EPHA3: variants seen among roughly 807,000 people sequenced by gnomAD.
EPHA3 encodes ephrin type-A receptor 3.
A neutral mutation model predicts 107.1 loss-of-function variants in EPHA3; 42 were observed. The observed-to-expected ratio is 0.39, with a 90% CI of 0.31 to 0.51. The LOEUF is 0.51. EPHA3 is among the 20% of genes least tolerant of loss of function. The pLI, the probability that EPHA3 is intolerant of heterozygous loss-of-function variation, is 0.78. For synonymous variants in EPHA3, 461 were observed against 424.8 expected, an observed-to-expected ratio of 1.09 and a Z score of -1.05; for missense variants, 1,183 against 1,211.2, an observed-to-expected ratio of 0.98 and a Z score of 0.35.
At chr3:89,353,561 G>T (rs909013616) in intron 5 of EPHA3, among the ~76,000 whole-genome samples, 1 of 151,234 alleles carries the variant, frequency 6.6e-6, no homozygotes, top group African/African-American at 2.4e-5. Context: ...TGGCAATTCA[G>T]CTTCTTCCTG....
chr3:89,117,230 G>C lies in EPHA3; in HGVS notation c.88+9394G>C, dbSNP rs185008266. Reference sequence around the variant, plus strand: ...AAAAATAGATGAATAAGATCTAAAGGTCCAGTAAGTGTAAACTGCCTCATG... The same window carrying C: ...AAAAATAGATGAATAAGATCTAAAGCTCCAGTAAGTGTAAACTGCCTCATG... On this transcript the variant is annotated intron_variant, in intron 1 of 16. Transcript: ENST00000336596. Among the ~76,000 whole-genome samples, 216 of 152,062 alleles carry C rather than the reference G, an allele frequency of 1.4e-3. 6 individuals are homozygous for C. Among genetic ancestry groups the C allele is most frequent in the Admixed American group, 0.014 (215 of 15,262 alleles).
intron 2 of EPHA3, among the ~76,000 whole-genome samples, chr3:89,202,528 A>T (rs1320459098): frequency 5.7e-3 from 195 of 34,120 alleles, no homozygotes; most frequent in African/African-American, 9.2e-3. Context: ...AAAAAAAAAA[A>T]AAAAAAATAT....
chr3:89,399,514 G>T (rs1359203438), intron 7 of EPHA3, 34 bp downstream of exon 7: 8 of 1,600,976 alleles, frequency 5.0e-6, no homozygotes, highest in Non-Finnish European at 6.0e-6. Flanking sequence ...TAGAGGAGGG[G>T]GCAGGGATCT....
intron 3 of EPHA3, among the ~76,000 whole-genome samples, chr3:89,211,952 T>C (rs1365749484): frequency 1.3e-5 from 2 of 151,856 alleles, no homozygotes; most frequent in Non-Finnish European, 2.9e-5. Context: ...GAAAGAAATA[T>C]TGGCGACTAA....
chr3:89,358,030 A>G (rs1708004068), intron 5 of EPHA3, among the ~76,000 whole-genome samples: 1 of 151,290 alleles, frequency 6.6e-6, no homozygotes, highest in African/African-American at 2.4e-5. Context: ...TTATATTTGT[A>G]TATTCATGTG....
intron 3 of EPHA3, among the ~76,000 whole-genome samples, chr3:89,293,670 C>G (rs187240021): frequency 1.8e-4 from 28 of 152,154 alleles, no homozygotes; most frequent in Middle Eastern, 3.4e-3. Context: ...TGTGGCACTT[C>G]CCTCCTTGCT....
intron 1 of EPHA3, among the ~76,000 whole-genome samples, chr3:89,113,082 CA>C (rs1335876137): frequency 6.6e-6 from 1 of 152,018 alleles, no homozygotes; most frequent in Non-Finnish European, 1.5e-5. Flanking sequence ...ACCAAGTACA[CA>C]AGTAGCTTTC....
chr3:89,186,299 G>A (rs1705564349), intron 2 of EPHA3, among the ~76,000 whole-genome samples: 1 of 151,820 alleles, frequency 6.6e-6, no homozygotes, highest in South Asian at 2.1e-4. Flanking sequence ...TTGAGGTCCA[G>A]GGACCTGTTT....
intron 5 of EPHA3, among the ~76,000 whole-genome samples, chr3:89,391,379 ATTTTT>A (rs1245502530): frequency 1.1e-5 from 1 of 91,214 alleles, no homozygotes; most frequent in Non-Finnish European, 2.4e-5. Flanking sequence ...CTTTATTTGT[ATTTTT>A]TTCTTTTCTT....
chr3:89,127,188 G>A (rs1211527710), intron 1 of EPHA3, 21 bp from the exon 2 acceptor site: 2 of 1,586,886 alleles, frequency 1.3e-6, no homozygotes, highest in Admixed American at 1.7e-5. Context: ...AACTGTGTTT[G>A]TGTATTATGT....
intron 13 of EPHA3, among the ~76,000 whole-genome samples, chr3:89,441,613 A>G (rs1044113647): frequency 3.9e-5 from 6 of 152,168 alleles, no homozygotes; most frequent in Non-Finnish European, 5.9e-5. Context: ...TGTCCTTCAC[A>G]TATATAAGCT....
At chr3:89,390,082 C>T (rs1211113989) in intron 5 of EPHA3, among the ~76,000 whole-genome samples, 2 of 152,090 alleles carry the variant, frequency 1.3e-5, no homozygotes, top group African/African-American at 4.8e-5. Flanking sequence ...ACCTCCACCT[C>T]CAGGATTCAA....
At chr3:89,430,260 A>C (rs1300195277) in intron 12 of EPHA3, among the ~76,000 whole-genome samples, 1 of 152,180 alleles carries the variant, frequency 6.6e-6, no homozygotes, top group Non-Finnish European at 1.5e-5. Flanking sequence ...GGCAGATGAC[A>C]GAAAGATAGA....
At chr3:89,139,827 A>G (rs1226592669) in intron 2 of EPHA3, among the ~76,000 whole-genome samples, 1 of 151,692 alleles carries the variant, frequency 6.6e-6, no homozygotes, top group Non-Finnish European at 1.5e-5. Flanking sequence ...GTCTGTGCAC[A>G]GTGACAAAGA....
At chr3:89,276,821 A>G (rs983274586) in intron 3 of EPHA3, among the ~76,000 whole-genome samples, 5 of 152,136 alleles carry the variant, frequency 3.3e-5, no homozygotes, top group African/African-American at 9.7e-5. Context: ...ATTAAAGAGA[A>G]TATCTAAAAG....
chr3:89,415,931 T>C (rs1709237989), intron 10 of EPHA3, among the ~76,000 whole-genome samples: 1 of 151,512 alleles, frequency 6.6e-6, no homozygotes. Context: ...TTAAAGCCCA[T>C]GCTGGACACT....
chr3:89,435,219 T>C (rs112355332), intron 13 of EPHA3, among the ~76,000 whole-genome samples: 1 of 151,930 alleles, frequency 6.6e-6, no homozygotes, highest in African/African-American at 2.4e-5. Flanking sequence ...TTTGGAATTA[T>C]ATTTAAAGCT....
At chr3:89,152,108 C>T (rs753027481) in intron 2 of EPHA3, among the ~76,000 whole-genome samples, 1 of 152,056 alleles carries the variant, frequency 6.6e-6, no homozygotes, top group Non-Finnish European at 1.5e-5. Context: ...TATTTGGACG[C>T]ATATTTTAAT....
intron 2 of EPHA3, among the ~76,000 whole-genome samples, chr3:89,144,379 A>G (rs1184939387): frequency 6.6e-6 from 1 of 151,404 alleles, no homozygotes; most frequent in African/African-American, 2.4e-5. Context: ...TGCTTTGACC[A>G]TCTATGTATC....
Sources: allele counts gnomAD v4.1 joint callset (sites outside exome capture counted in the v4.1 genomes callset), GRCh38; gene constraint gnomAD v4.1.1; transcripts MANE v1.5; gene names NCBI Gene and HGNC (gene_info 2026-07-23, HGNC 2026-07-21).